The following TRPC6 variants were observed in gnomAD, a reference collection of about 807,000 sequenced individuals.
TRPC6 encodes the protein transient receptor potential cation channel subfamily C member 6.
A neutral mutation model predicts 90.7 loss-of-function variants in TRPC6; 55 were observed. The observed-to-expected ratio is 0.61, with a 90% confidence interval of 0.49 to 0.76. The LOEUF is 0.76. Among genes scored for constraint, TRPC6 ranks in the 30% least tolerant of loss-of-function variants. The pLI is 0.00. For missense variants in TRPC6, 989 were observed against 1,122.7 expected (o/e 0.88, Z 1.70); for synonymous variants, 393 against 393.0 (o/e 1.00, Z 0.00).
At chr11:101,476,893 C>T (rs768939500) in intron 5 of TRPC6, among the ~76,000 whole-genome samples, 2 of 152,078 alleles carry the variant, frequency 1.3e-5, no homozygotes, top group Non-Finnish European at 2.9e-5. Flanking sequence ...GTGGGACTTC[C>T]GCAGATGGAG....
intron 1 of TRPC6, among the ~76,000 whole-genome samples, chr11:101,567,229 C>T (rs1861856727): frequency 6.6e-6 from 1 of 152,086 alleles, no homozygotes. Context: ...GTTTTATCCT[C>T]ACAGTATAAA....
At chr11:101,509,766 C>T (rs1299551358) in intron 1 of TRPC6, among the ~76,000 whole-genome samples, 1 of 151,842 alleles carries the variant, frequency 6.6e-6, no homozygotes, top group Non-Finnish European at 1.5e-5. Flanking sequence ...GTTGTGACCA[C>T]ACATATTAAT....
intron 1 of TRPC6, among the ~76,000 whole-genome samples, chr11:101,576,131 T>G (rs972792411): frequency 1.3e-5 from 2 of 152,196 alleles, no homozygotes; most frequent in African/African-American, 2.4e-5. Flanking sequence ...TGTTTAACAT[T>G]TCTAAATTTC....
intron 1 of TRPC6, among the ~76,000 whole-genome samples, chr11:101,543,361 G>GA (rs777683006): frequency 1.3e-5 from 2 of 152,170 alleles, no homozygotes; most frequent in East Asian, 3.9e-4. Context: ...AGACAAATTG[G>GA]AAAAAACTAC....
At chr11:101,548,659 C>T (rs1369484139) in intron 1 of TRPC6, among the ~76,000 whole-genome samples, 3 of 146,680 alleles carry the variant, frequency 2.0e-5, no homozygotes, top group South Asian at 2.1e-4. Flanking sequence ...ATGCTGCATC[C>T]GTAAACAATC....
chr11:101,474,395 C>T (rs186849289), intron 6 of TRPC6, among the ~76,000 whole-genome samples: 46 of 152,056 alleles, frequency 3.0e-4, no homozygotes, highest in Middle Eastern at 6.8e-3. Flanking sequence ...GGCATTATTA[C>T]ATCAGGTCAT....
chr11:101,516,147 A>T (rs992353168), intron 1 of TRPC6, among the ~76,000 whole-genome samples: 5 of 149,590 alleles, frequency 3.3e-5, no homozygotes, highest in African/African-American at 1.2e-4. Flanking sequence ...TCCCCTCCCC[A>T]AAAACTGTGA....
intron 10 of TRPC6, among the ~76,000 whole-genome samples, chr11:101,467,523 A>G (rs2136661790): frequency 6.6e-6 from 1 of 152,374 alleles, no homozygotes; most frequent in Non-Finnish European, 1.5e-5. Flanking sequence ...ACAAGTAAAG[A>G]GTCTTAATGA....
At chr11:101,560,602 C>A (rs1218105551) in intron 1 of TRPC6, among the ~76,000 whole-genome samples, 1 of 151,970 alleles carries the variant, frequency 6.6e-6, no homozygotes, top group Non-Finnish European at 1.5e-5. Context: ...CCTGAAATAC[C>A]CGAAAGCCCC....
At chr11:101,469,531 A>T in intron 9 of TRPC6, 30 bp from the exon 10 acceptor site, 1 of 730,462 alleles carries the variant, frequency 1.4e-6, no homozygotes, top group South Asian at 1.5e-5. Flanking sequence ...AAATGAGTAT[A>T]ACTGCATAAC....
At chr11:101,519,066 G>A (rs528738388) in intron 1 of TRPC6, among the ~76,000 whole-genome samples, 15 of 152,276 alleles carry the variant, frequency 9.9e-5, no homozygotes, top group South Asian at 4.2e-4. Flanking sequence ...GGTTTGGGAC[G>A]AGTTGGGGAT....
intron 5 of TRPC6, 136 bp from the exon 6 acceptor site, chr11:101,476,670 C>T: frequency 1.4e-6 from 1 of 731,108 alleles, no homozygotes; most frequent in Admixed American, 2.0e-5. Flanking sequence ...GCCGTCCCAC[C>T]ATAATTCCCA....
At chr11:101,473,384 T>C in intron 7 of TRPC6, 125 bp downstream of exon 7, 4 of 1,091,694 alleles carry the variant, frequency 3.7e-6, no homozygotes, top group Non-Finnish European at 5.2e-6. Context: ...CCCCTCATTT[T>C]GCAAAACAGG....
At chr11:101,502,265 G>A (rs1456292216) in intron 2 of TRPC6, among the ~76,000 whole-genome samples, 3 of 152,134 alleles carry the variant, frequency 2.0e-5, no homozygotes, top group African/African-American at 7.2e-5. Flanking sequence ...TCAGCCACTA[G>A]CCCCCTCCTC....
intron 1 of TRPC6, among the ~76,000 whole-genome samples, chr11:101,533,838 A>G (rs1478643936): frequency 6.6e-6 from 1 of 152,152 alleles, no homozygotes; most frequent in Non-Finnish European, 1.5e-5. Context: ...CCTCAGCCCA[A>G]TATCAAAGGC....
At chr11:101,520,764 A>G (rs1001230127) in intron 1 of TRPC6, among the ~76,000 whole-genome samples, 2 of 152,190 alleles carry the variant, frequency 1.3e-5, no homozygotes, top group Non-Finnish European at 2.9e-5. Flanking sequence ...AGTAAAGGTC[A>G]CTTTTGCTAT....
At chr11:101,515,860 A>G (rs1272612610) in intron 1 of TRPC6, among the ~76,000 whole-genome samples, 2 of 152,174 alleles carry the variant, frequency 1.3e-5, no homozygotes, top group African/African-American at 4.8e-5. Context: ...ACTTGTAGGT[A>G]CACATATATT....
intron 10 of TRPC6, among the ~76,000 whole-genome samples, chr11:101,460,635 A>G (rs1858983230): frequency 6.6e-6 from 1 of 152,162 alleles, no homozygotes; most frequent in South Asian, 2.1e-4. Context: ...TAGATCATAA[A>G]TGGGAGTTAG....
At chr11:101,569,497 T>C (rs1179083334) in intron 1 of TRPC6, among the ~76,000 whole-genome samples, 2 of 152,210 alleles carry the variant, frequency 1.3e-5, no homozygotes, top group African/African-American at 2.4e-5. Flanking sequence ...GGACTTGAAC[T>C]CAGCTCTGGA....
Sources: gnomAD v4.1 joint callset for allele counts (sites outside exome capture counted in the v4.1 genomes callset) on GRCh38, gnomAD v4.1.1 for gene constraint, MANE v1.5 for transcripts, NCBI Gene and HGNC (gene_info 2026-07-23, HGNC 2026-07-21) for gene names.